Variants in LMAN1L observed in about 807,000 individuals in gnomAD.
The protein encoded by LMAN1L is protein ERGIC-53-like.
LMAN1L carries 60 observed loss-of-function variants against 58.3 expected under a neutral mutation model. That is an observed-to-expected ratio of 1.03 (90% CI 0.84 to 1.27). LMAN1L has a LOEUF of 1.27. Ranked by LOEUF, LMAN1L falls within the 50% of genes most tolerant of loss-of-function variation. The probability of loss-of-function intolerance (pLI) is 0.00; values close to 1 mark genes in which losing one functional copy is unlikely to be tolerated. For missense variants in LMAN1L, 629 were observed against 674.0 expected (o/e 0.93, Z 0.74); for synonymous variants, 280 against 271.6 (o/e 1.03, Z -0.31).
chr15:74,820,256 G>C, intron 7 of LMAN1L, 157 bp downstream of exon 7: 1 of 714,174 alleles, frequency 1.4e-6, no homozygotes, highest in East Asian at 2.6e-5. Context: ...CTGCGGGCCA[G>C]GGCCGGTGTG....
chr15:74,813,158 C>A, intron 1 of LMAN1L, 129 bp downstream of exon 1: 2 of 958,310 alleles, frequency 2.1e-6, no homozygotes, highest in African/African-American at 1.6e-5. Context: ...TGGGACAGTG[C>A]CAGGCACCCC....
At chr15:74,819,733 C>T in intron 6 of LMAN1L, 1 of 513,800 alleles carries the variant, frequency 1.9e-6, no homozygotes, top group East Asian at 3.4e-5. Flanking sequence ...CTACCAGTAG[C>T]AGCTGTGCTC....
chr15:74,819,071 C>T (rs2063905166), intron 5 of LMAN1L, 81 bp from the exon 6 acceptor site: 1 of 1,516,940 alleles, frequency 6.6e-7, no homozygotes, highest in Non-Finnish European at 8.9e-7. Context: ...CCTAGGGCCA[C>T]CTGCCATCCC....
intron 4 of LMAN1L, among the ~76,000 whole-genome samples, chr15:74,817,330 A>T (rs967357632): frequency 1.3e-5 from 2 of 152,136 alleles, no homozygotes; most frequent in Non-Finnish European, 2.9e-5. Flanking sequence ...TCCAATTACC[A>T]TCCTCGTTTT....
chr15:74,814,461 C>T (rs1201814045), intron 1 of LMAN1L, among the ~76,000 whole-genome samples: 8 of 151,428 alleles, frequency 5.3e-5, no homozygotes, highest in African/African-American at 1.9e-4. Context: ...GCAAGCTCCA[C>T]CTCCTGGGTT....
chr15:74,823,908 C>A, intron 12 of LMAN1L: 1 of 571,448 alleles, frequency 1.7e-6, no homozygotes, highest in Non-Finnish European at 3.1e-6. Context: ...AAGAGTCCCA[C>A]AGACTCAGCA....
At chr15:74,813,878 G>A (rs2063877182) in intron 1 of LMAN1L, among the ~76,000 whole-genome samples, 1 of 152,182 alleles carries the variant, frequency 6.6e-6, no homozygotes, top group South Asian at 2.1e-4. Context: ...TGTAATCCCA[G>A]CACTTTGGGA....
At chr15:74,820,250 G>T in intron 7 of LMAN1L, 151 bp downstream of exon 7, 1 of 737,222 alleles carries the variant, frequency 1.4e-6, no homozygotes, top group East Asian at 2.6e-5. Context: ...GCAGTGCTGC[G>T]GGCCAGGGCC....
rs201593005 is a variant in LMAN1L at position 74,821,117 on chromosome 15, G to T, written c.950G>T (p.Arg317Leu). The T allele has an allele frequency of 1.9e-6, 3 of 1,568,840 alleles. No homozygotes were observed. Among genetic ancestry groups the T allele is most frequent in the Non-Finnish European group, 2.6e-6 (3 of 1,156,904 alleles). The change falls in exon 9 of 14, where the codon CGC (arginine) becomes CTC (leucine). Residue 317 changes from arginine (R) to leucine (L), a missense_variant. Around this residue, in one of 3 missense-constraint regions of LMAN1L, gnomAD observed 573 missense variants for 597.3 expected, o/e 0.96. Transcript: ENST00000309664. ...FDLEETLGRH[R>L]RILQALRGLS... Reference sequence around the variant, plus strand: ...CTGGAGGAGACGCTGGGCAGACACCGCCGGATCCTGCAGGCTCTGCGGGGT... The same window carrying T: ...CTGGAGGAGACGCTGGGCAGACACCTCCGGATCCTGCAGGCTCTGCGGGGT...
chr15:74,825,052 T>C (rs1398457238), intron 13 of LMAN1L: 2 of 160,392 alleles, frequency 1.2e-5, no homozygotes, highest in African/African-American at 4.8e-5. Flanking sequence ...TTGCTTGGTG[T>C]GTGTTTGCTG....
rs1369513859 is a variant in LMAN1L, at chr15:74,825,645, AGT to A, written c.*43_*44del. 3.8e-6 allele frequency: 6 copies of A among 1,589,896 alleles called. No homozygotes were observed. The highest frequency in any genetic ancestry group is 5.2e-6 in the Non-Finnish European group (6 of 1,164,998). On this transcript the variant is annotated 3_prime_UTR_variant, in exon 14 of 14. Transcript: ENST00000309664. ...TGCTTTGCATCACTGGGAAGCAGGC[AGT>A]GTCTTGGGTGGGGGCTTGGTCAGTA...
chr15:74,823,461 C>A (rs1158270986), intron 11 of LMAN1L, 98 bp from the exon 12 acceptor site: 1 of 1,382,640 alleles, frequency 7.2e-7, no homozygotes, highest in Non-Finnish European at 1.0e-6. Context: ...TGTTCCCCAT[C>A]CATGTGCTGC....
At chr15:74,815,649 C>G (rs934003996) in intron 1 of LMAN1L, among the ~76,000 whole-genome samples, 11 of 152,212 alleles carry the variant, frequency 7.2e-5, no homozygotes, top group African/African-American at 2.7e-4. Context: ...TTGGCCACAG[C>G]CTAGAGTCTT....
At position 74,821,233 on chromosome 15, in the gene LMAN1L, A is replaced by C; in HGVS notation, c.1059+7A>C. The C allele has an allele frequency of 6.5e-7, 1 of 1,548,564 alleles. No homozygotes were observed. The highest frequency in any genetic ancestry group is 2.3e-4 in the Middle Eastern group (1 of 4,376). On this transcript the variant is annotated splice_region_variant and intron_variant, in intron 9 of 13. Transcript: ENST00000309664. ...CAGGCCTGACGGAGGCTGGGTGAGA[A>C]GCCCTACAGGCATCCAAGGCTCCAC...
intron 13 of LMAN1L, chr15:74,824,860 C>T (rs536298320): frequency 5.8e-6 from 1 of 173,660 alleles, no homozygotes; most frequent in Non-Finnish European, 1.2e-5. Context: ...AGTTTTCCAC[C>T]CTGACAAGAT....
chr15:74,818,840 GA>G, intron 5 of LMAN1L, 23 bp downstream of exon 5: 1 of 1,579,862 alleles, frequency 6.3e-7, no homozygotes, highest in Non-Finnish European at 8.6e-7. Flanking sequence ...TCCTGCTTCT[GA>G]CAGGGCTCTG....
Position 74,820,616 on chromosome 15 carries a change from T to A in LMAN1L, c.775-19T>A. 1 of 1,613,000 alleles carries A rather than the reference T, an allele frequency of 6.2e-7. No individual in the cohort carries two copies. Among genetic ancestry groups the A allele is most frequent in the Non-Finnish European group, 8.5e-7 (1 of 1,179,916 alleles). ...TCTCCCATGGGTTTGGGGCCCGACT[T>A]TCTGTCTTCCTCCCCTAGGTTCCCC... On this transcript the variant is annotated intron_variant, in intron 7 of 13. Transcript: ENST00000309664.
chr15:74,825,464 C>A lies in LMAN1L; in HGVS notation c.1452-12C>A. 1 of 1,607,828 alleles carries A rather than the reference C, an allele frequency of 6.2e-7. No homozygotes were observed. Among genetic ancestry groups the A allele is most frequent in the Non-Finnish European group, 8.5e-7 (1 of 1,175,300 alleles). On this transcript the variant is annotated splice_polypyrimidine_tract_variant and intron_variant, in intron 13 of 13. Transcript: ENST00000309664. The stretch of plus-strand genomic sequence containing the variant: ...AGACGCAAGTAACCTGTAACCTTCT[C>A]TCTGGCAGCAGGCAGGAGCTGAACA...
chr15:74,822,200 CA>C (rs1174647257), intron 10 of LMAN1L, among the ~76,000 whole-genome samples: 3 of 152,028 alleles, frequency 2.0e-5, no homozygotes, highest in African/African-American at 2.4e-5. Context: ...ACTGAAAATA[CA>C]AAAATTATAC....
Sources: gnomAD v4.1 joint callset for allele counts (sites outside exome capture counted in the v4.1 genomes callset) on GRCh38, gnomAD v4.1.1 for gene constraint, gnomAD v4.1.1 regional missense constraint, MANE v1.5 for transcripts, NCBI Gene and HGNC (gene_info 2026-07-23, HGNC 2026-07-21) for gene names.